Variants in MRE11 observed in about 807,000 individuals in gnomAD.
MRE11 encodes the protein MRE11 double strand break repair nuclease, also known as double-strand break repair protein MRE11.
Under a neutral mutation model 91.7 loss-of-function variants are expected in MRE11, and 62 were observed. That is an observed-to-expected ratio of 0.68 (90% CI 0.55 to 0.84). The LOEUF (loss-of-function observed/expected upper bound fraction) is 0.84. Among genes scored for constraint, MRE11 ranks in the 40% least tolerant of loss-of-function variants. The pLI is 0.00. For missense variants in MRE11, 796 were observed against 852.9 expected, an observed-to-expected ratio of 0.93 and a Z score of 0.83; for synonymous variants, 273 against 271.4, an observed-to-expected ratio of 1.01 and a Z score of -0.06.
chr11:94,460,945 G>A lies in MRE11; in HGVS notation c.1317C>T (p.Thr439=), dbSNP rs766548747. ...VEDLVKQYFQ[T]AEKNVQLSLL... is the part of the protein sequence containing the mutation. ...AACTGTAAGAAATTACCTTCTCTGC[G>A]GTTTGAAAGTACTGTTTTACAAGAT... is the stretch of plus-strand genomic sequence containing the variant. Residue 439 remains threonine, a synonymous_variant, in exon 12 of 20, where the codon ACC becomes ACT. Transcript: ENST00000323929. 32 of 1,612,496 alleles carry A rather than the reference G, an allele frequency of 2.0e-5. No homozygotes were observed. The highest frequency in any genetic ancestry group is 8.8e-5 in the South Asian group (8 of 91,048).
chr11:94,416,471 T>C lies in MRE11; in HGVS notation c.*3654A>G, dbSNP rs1164739869. 1 of 152,010 alleles carries C rather than the reference T, an allele frequency of 6.6e-6. No homozygotes were observed. The highest frequency in any genetic ancestry group is 2.4e-5 in the African/African-American group (1 of 41,376). The allele number at this position is 152,010 out of a possible 1,614,324, so 9.4% of individuals were successfully genotyped here. On this transcript the variant is annotated 3_prime_UTR_variant, in exon 20 of 20. Transcript: ENST00000323929. ...TGTGGATCTTTTTCATTCAAGAATA[T>C]GGAAACTCATTGGACTGAAAAACCC...
In MRE11 at chr11:94,418,352, T is replaced by C; in HGVS notation, c.*1773A>G. On this transcript the variant is annotated 3_prime_UTR_variant, in exon 20 of 20. Transcript: ENST00000323929. ...TTCCTTAGCGGTGAACTGAATCGCATTTAGTACCTCTTTTCACAGCCAAGA... is the reference window on the plus strand; with the variant it reads ...TTCCTTAGCGGTGAACTGAATCGCACTTAGTACCTCTTTTCACAGCCAAGA... The C allele has an allele frequency of 4.3e-6, 1 of 233,026 alleles. No individual in the cohort carries two copies. The highest frequency in any genetic ancestry group is 8.5e-6 in the Non-Finnish European group (1 of 117,924). The allele number at this position is 233,026 out of a possible 1,614,324, so 14.4% of individuals were successfully genotyped here. A position where few individuals can be genotyped will look rare whatever the true frequency, so the allele number is the denominator to read the frequency against.
chr11:94,492,262 A>G (rs1010710957), intron 2 of MRE11, among the ~76,000 whole-genome samples: 6 of 152,036 alleles, frequency 3.9e-5, no homozygotes, highest in Admixed American at 2.0e-4. Flanking sequence ...CTAATTTTGT[A>G]TTTTTAGTAG....
At chr11:94,455,409 C>T (rs1181151246) in intron 14 of MRE11, among the ~76,000 whole-genome samples, 3 of 152,028 alleles carry the variant, frequency 2.0e-5, no homozygotes, top group Non-Finnish European at 4.4e-5. Context: ...TAACCCATAA[C>T]AGGGACAATA....
chr11:94,435,899 C>A lies in MRE11; in HGVS notation c.1927G>T (p.Val643Leu), dbSNP rs876658165. Residue 643 changes from valine to leucine, a missense_variant and splice_region_variant, in exon 18 of 20, where the codon GTG (valine) becomes TTG (leucine). Val to Leu is a conservative substitution (Grantham distance 32, BLOSUM62 1). Coordinates refer to ENST00000323929, the MANE Select transcript of MRE11 (RefSeq NM_005591.4). The stretch of plus-strand genomic sequence containing the variant: ...ACATCTGATTCATCTACCTCAATCA[C>A]CTGGCAAGGAAACAAAGCAACAAAC... ...RNVTTKNYSE[V>L]IEVDESDVEE... The A allele has an allele frequency of 6.2e-7, 1 of 1,613,500 alleles. No homozygotes were observed. Among genetic ancestry groups the A allele is most frequent in the Admixed American group, 1.7e-5 (1 of 60,026 alleles).
At chr11:94,506,713 T>C in the MRE11 span, among the ~76,000 whole-genome samples, 1 of 151,888 alleles carries the variant, frequency 6.6e-6, no homozygotes, top group South Asian at 2.1e-4. Context: ...CACTGCCTCC[T>C]GTGTAGCTAA....
At chr11:94,485,701 G>C (rs1278618220) in intron 4 of MRE11, among the ~76,000 whole-genome samples, 1 of 151,332 alleles carries the variant, frequency 6.6e-6, no homozygotes, top group African/African-American at 2.4e-5. Context: ...CTGCTTCTGG[G>C]GCTCAAGTAA....
the MRE11 span, among the ~76,000 whole-genome samples, chr11:94,501,817 T>C: frequency 1.3e-5 from 2 of 152,170 alleles, no homozygotes; most frequent in Admixed American, 6.5e-5. Flanking sequence ...TCTATCTTGT[T>C]GTAGGCTAGT....
At chr11:94,446,739 G>A (rs1565212100) in intron 15 of MRE11, among the ~76,000 whole-genome samples, 1 of 152,098 alleles carries the variant, frequency 6.6e-6, no homozygotes, top group African/African-American at 2.4e-5. Context: ...TCAAATTGGG[G>A]GGCAGTTTTC....
intron 13 of MRE11, among the ~76,000 whole-genome samples, chr11:94,457,957 G>C (rs1052463368): frequency 1.3e-5 from 2 of 151,480 alleles, no homozygotes; most frequent in African/African-American, 4.9e-5. Flanking sequence ...TGTCACTCCA[G>C]GTGGGGATGG....
intron 16 of MRE11, among the ~76,000 whole-genome samples, chr11:94,444,444 G>A (rs911226326): frequency 6.6e-6 from 1 of 152,098 alleles, no homozygotes; most frequent in Admixed American, 6.6e-5. Flanking sequence ...CTGAAGCCAT[G>A]GTTTTTAGTT....
intron 7 of MRE11, among the ~76,000 whole-genome samples, chr11:94,474,756 C>G (rs1483741129): frequency 6.6e-6 from 1 of 152,122 alleles, no homozygotes; most frequent in East Asian, 1.9e-4. Flanking sequence ...TGAGAAAAAT[C>G]AACATCATAT....
At chr11:94,492,969 G>C (rs1160511560) in intron 1 of MRE11, 63 bp from the exon 2 acceptor site, 2 of 658,618 alleles carry the variant, frequency 3.0e-6, no homozygotes, top group Non-Finnish European at 2.7e-6. Flanking sequence ...TAACCAACAT[G>C]ATTTACGCTG....
Position 94,447,488 on chromosome 11 carries a change from C to T in MRE11, c.1564-50G>A, listed in dbSNP as rs763842965. The T allele has an allele frequency of 2.3e-5, 35 of 1,549,746 alleles. No homozygotes were observed. In the Admixed American group the frequency reaches 5.9e-4, roughly 26 times the overall value. On this transcript the variant is annotated intron_variant, in intron 14 of 19. Transcript: ENST00000323929. ...TACACACAATGAGATAACGTACCAT[C>T]CTAAAAATCATTAATTTAGGCATTG...
intron 4 of MRE11, among the ~76,000 whole-genome samples, chr11:94,481,136 C>G (rs992749815): frequency 6.6e-6 from 1 of 152,036 alleles, no homozygotes; most frequent in Non-Finnish European, 1.5e-5. Context: ...TGGTGAAACC[C>G]TGTCTCTACT....
intron 19 of MRE11, among the ~76,000 whole-genome samples, chr11:94,428,295 G>C (rs912383290): frequency 1.3e-5 from 2 of 152,134 alleles, no homozygotes; most frequent in African/African-American, 4.8e-5. Flanking sequence ...ATGGAGAAAG[G>C]ACTCCCTATT....
At chr11:94,478,356 A>C (rs887127866) in intron 6 of MRE11, among the ~76,000 whole-genome samples, 1 of 152,206 alleles carries the variant, frequency 6.6e-6, no homozygotes, top group African/African-American at 2.4e-5. Context: ...TCTAAAATAT[A>C]AATAACCATG....
At chr11:94,454,949 GAA>G (rs1565217246) in intron 14 of MRE11, among the ~76,000 whole-genome samples, 1 of 152,102 alleles carries the variant, frequency 6.6e-6, no homozygotes, top group East Asian at 1.9e-4. Flanking sequence ...AAGATAAATA[GAA>G]ATATAATAAA....
chr11:94,498,253 T>C (rs1198087594), upstream of MRE11: 1 of 1,614,138 alleles, frequency 6.2e-7, no homozygotes, highest in East Asian at 2.2e-5. Flanking sequence ...CCCTGCACAG[T>C]GCTTGTAAGT....
Sources: gnomAD v4.1 joint callset for allele counts (sites outside exome capture counted in the v4.1 genomes callset) on GRCh38, gnomAD v4.1.1 for gene constraint, MANE v1.5 for transcripts, NCBI Gene and HGNC (gene_info 2026-07-23, HGNC 2026-07-21) for gene names.